Variants in LINGO2 observed in about 807,000 individuals in gnomAD.
LINGO2 encodes the protein leucine-rich repeat and immunoglobulin-like domain-containing nogo receptor-interacting protein 2.
In LINGO2, 14 loss-of-function variants were observed where a neutral mutation model predicts 30.6. The ratio of observed to expected loss-of-function variants is 0.46; its 90% CI spans 0.30 to 0.72. The LOEUF (loss-of-function observed/expected upper bound fraction) is 0.72. Among genes scored for constraint, LINGO2 ranks in the 30% least tolerant of loss-of-function variants. The pLI, the probability that LINGO2 is intolerant of heterozygous loss-of-function variation, is 0.07. For synonymous variants in LINGO2, 317 were observed against 288.5 expected, an observed-to-expected ratio of 1.10 and a Z score of -1.00; for missense variants, 729 against 751.7, an observed-to-expected ratio of 0.97 and a Z score of 0.35.
At chr9:28,497,818 A>T (rs7858943) in intron 1 of LINGO2, among the ~76,000 whole-genome samples, 23,742 of 151,974 alleles carry the variant, frequency 0.16, 2,035 homozygotes, top group East Asian at 0.21. Context: ...GATGATGGTG[A>T]TGTACAGATG....
the LINGO2 span, among the ~76,000 whole-genome samples, chr9:29,040,138 T>C: frequency 6.6e-6 from 1 of 152,152 alleles, no homozygotes; most frequent in South Asian, 2.1e-4. Flanking sequence ...CATTGTTCAG[T>C]TTCCGTCCTA....
chr9:28,225,882 G>A (rs960987707), intron 4 of LINGO2, among the ~76,000 whole-genome samples: 14 of 152,058 alleles, frequency 9.2e-5, no homozygotes, highest in African/African-American at 3.1e-4. Flanking sequence ...GAAACAAATG[G>A]CCATTTTGAA....
At chr9:28,933,751 G>A in the LINGO2 span, among the ~76,000 whole-genome samples, 3 of 152,146 alleles carry the variant, frequency 2.0e-5, no homozygotes, top group Admixed American at 6.5e-5. Context: ...ACTTCTACAA[G>A]GACATCCGCC....
intron 1 of LINGO2, among the ~76,000 whole-genome samples, chr9:28,515,447 C>A (rs1160095663): frequency 6.6e-6 from 1 of 152,128 alleles, no homozygotes; most frequent in African/African-American, 2.4e-5. Context: ...ACGTCGTGAT[C>A]CACCCACCTC....
intron 1 of LINGO2, among the ~76,000 whole-genome samples, chr9:28,663,823 G>GA (rs1828681692): frequency 6.6e-6 from 1 of 151,986 alleles, no homozygotes; most frequent in Admixed American, 6.6e-5. Flanking sequence ...TTGCACTGCT[G>GA]AAAAAATGCA....
intron 1 of LINGO2, among the ~76,000 whole-genome samples, chr9:28,525,777 C>T (rs140601954): frequency 1.3e-4 from 20 of 152,142 alleles, no homozygotes; most frequent in African/African-American, 3.9e-4. Flanking sequence ...ATTGAAGGGC[C>T]GGGCGCAGTG....
chr9:28,066,794 C>T (rs1346892501), intron 4 of LINGO2, among the ~76,000 whole-genome samples: 1 of 152,066 alleles, frequency 6.6e-6, no homozygotes, highest in Non-Finnish European at 1.5e-5. Context: ...ACAGTCTAGG[C>T]TGTCAATATA....
At chr9:28,708,547 C>T in the LINGO2 span, among the ~76,000 whole-genome samples, 1 of 152,046 alleles carries the variant, frequency 6.6e-6, no homozygotes. Flanking sequence ...GGGGGGAGAA[C>T]TTGGTTAACC....
intron 2 of LINGO2, among the ~76,000 whole-genome samples, chr9:28,414,987 T>C (rs1448455696): frequency 6.6e-6 from 1 of 152,080 alleles, no homozygotes; most frequent in Admixed American, 6.6e-5. Context: ...AAATTTTGTG[T>C]CTAAAAGATA....
intron 5 of LINGO2, among the ~76,000 whole-genome samples, chr9:28,002,612 T>G (rs997433434): frequency 1.3e-5 from 2 of 152,206 alleles, no homozygotes; most frequent in Non-Finnish European, 2.9e-5. Flanking sequence ...TGTGTGATGT[T>G]GCTACTTAGT....
the LINGO2 span, among the ~76,000 whole-genome samples, chr9:29,166,874 T>C: frequency 5.3e-5 from 8 of 152,072 alleles, no homozygotes; most frequent in South Asian, 4.1e-4. Context: ...CGCTCTTTCT[T>C]ATAATCATGA....
intron 1 of LINGO2, among the ~76,000 whole-genome samples, chr9:28,660,174 A>G (rs1409884466): frequency 2.6e-5 from 4 of 152,164 alleles, no homozygotes. Flanking sequence ...GAAAGTGAAT[A>G]AAGATTAAAA....
chr9:28,688,265 C>T, the LINGO2 span, among the ~76,000 whole-genome samples: 1 of 152,146 alleles, frequency 6.6e-6, no homozygotes, highest in African/African-American at 2.4e-5. Flanking sequence ...CCTTAAATAG[C>T]ATTTGTCATG....
At chr9:28,237,120 G>GC (rs1056325193) in intron 4 of LINGO2, among the ~76,000 whole-genome samples, 9 of 141,012 alleles carry the variant, frequency 6.4e-5, no homozygotes, top group Non-Finnish European at 1.1e-4. Flanking sequence ...AACAGTGCGG[G>GC]GGGGGGGTAA....
intron 1 of LINGO2, among the ~76,000 whole-genome samples, chr9:28,541,775 A>G (rs1442430029): frequency 6.6e-6 from 1 of 152,186 alleles, no homozygotes; most frequent in Non-Finnish European, 1.5e-5. Context: ...AGAAAAATAG[A>G]ACCCACCTAT....
chr9:28,472,320 GTT>G (rs199544882), intron 2 of LINGO2, among the ~76,000 whole-genome samples: 128 of 145,708 alleles, frequency 8.8e-4, no homozygotes, highest in Non-Finnish European at 1.2e-3. Flanking sequence ...TTGACTTCAA[GTT>G]TTTTTTTTTT....
chr9:29,087,081 T>A, the LINGO2 span, among the ~76,000 whole-genome samples: 7 of 152,138 alleles, frequency 4.6e-5, no homozygotes, highest in Non-Finnish European at 8.8e-5. Flanking sequence ...TTCACCATGT[T>A]GGCCAGGCTG....
rs141480191 is a variant in LINGO2 at position 28,110,028 on chromosome 9, T to A, written c.-86-97623A>T. 7.2e-5 allele frequency among the ~76,000 whole-genome samples: 11 copies of A among 152,256 alleles called. No homozygotes were observed. In the East Asian group the frequency reaches 2.1e-3, roughly 29 times the overall value. ...GACTACAGTAACCAAAACCGCATGG[T>A]ACTGGTACCAAAACAGATATCTAGG... On this transcript the variant is annotated intron_variant, in intron 4 of 5. Coordinates refer to ENST00000379992, the Ensembl canonical transcript of LINGO2.
At chr9:28,744,682 G>A in the LINGO2 span, among the ~76,000 whole-genome samples, 1 of 146,018 alleles carries the variant, frequency 6.8e-6, no homozygotes, top group Non-Finnish European at 1.5e-5. Flanking sequence ...TGTCGCTGAG[G>A]CTGGAGTGCA....
Sources: allele counts gnomAD v4.1 joint callset (sites outside exome capture counted in the v4.1 genomes callset), GRCh38; gene constraint gnomAD v4.1.1; transcripts MANE v1.5; gene names NCBI Gene and HGNC (gene_info 2026-07-23, HGNC 2026-07-21).